The following MAGI1 variants were observed in gnomAD, a reference collection of about 807,000 sequenced individuals.
The protein encoded by MAGI1 is membrane associated guanylate kinase, WW and PDZ domain containing 1.
In MAGI1, 58 loss-of-function variants were observed where a neutral mutation model predicts 139.9. The observed-to-expected ratio is 0.41, with a 90% CI of 0.34 to 0.52. The LOEUF (loss-of-function observed/expected upper bound fraction) is 0.52, where lower values mean the gene tolerates loss of function less well. MAGI1 is among the 20% of genes least tolerant of loss of function. The pLI, the probability that MAGI1 is intolerant of heterozygous loss-of-function variation, is 0.12. For missense variants in MAGI1, 1,874 were observed against 1,901.6 expected, an observed-to-expected ratio of 0.99 and a Z score of 0.27; for synonymous variants, 812 against 737.9, an observed-to-expected ratio of 1.10 and a Z score of -1.63.
At chr3:65,759,677 T>C (rs186805382) in intron 1 of MAGI1, among the ~76,000 whole-genome samples, 6 of 152,308 alleles carry the variant, frequency 3.9e-5, no homozygotes, top group Admixed American at 1.3e-4. Flanking sequence ...TTTCCTTTTC[T>C]GTTATTAAAG....
At chr3:65,962,101 C>G (rs115816602) in intron 1 of MAGI1, among the ~76,000 whole-genome samples, 2 of 150,448 alleles carry the variant, frequency 1.3e-5, no homozygotes, top group African/African-American at 4.9e-5. Flanking sequence ...TGTTTGTTCT[C>G]ATGGACATTA....
At chr3:65,575,248 T>A (rs933957171) in intron 2 of MAGI1, among the ~76,000 whole-genome samples, 5 of 151,950 alleles carry the variant, frequency 3.3e-5, no homozygotes, top group Admixed American at 6.6e-5. Flanking sequence ...TTAAACACTT[T>A]AACAAAAAAG....
chr3:65,976,314 G>A (rs1173719698), intron 1 of MAGI1, among the ~76,000 whole-genome samples: 1 of 152,072 alleles, frequency 6.6e-6, no homozygotes, highest in African/African-American at 2.4e-5. Context: ...TAAGATGTAG[G>A]CCATACAAAA....
intron 13 of MAGI1, among the ~76,000 whole-genome samples, chr3:65,393,265 C>T (rs541209940): frequency 3.4e-4 from 52 of 152,214 alleles, no homozygotes; most frequent in Middle Eastern, 6.8e-3. Context: ...TTTTTCCCCC[C>T]CTCTTCAATG....
chr3:65,611,538 T>TATA (rs1270876168), intron 2 of MAGI1, among the ~76,000 whole-genome samples: 3 of 145,462 alleles, frequency 2.1e-5, no homozygotes, highest in Non-Finnish European at 4.5e-5. Context: ...GAATACTCTA[T>TATA]ATATACTATA....
At chr3:65,499,860 G>T (rs540557891) in intron 2 of MAGI1, among the ~76,000 whole-genome samples, 1 of 152,144 alleles carries the variant, frequency 6.6e-6, no homozygotes, top group Non-Finnish European at 1.5e-5. Context: ...CTTCAGAAAT[G>T]GGAAGAGATG....
chr3:66,027,918 G>A (rs750769549), intron 1 of MAGI1, among the ~76,000 whole-genome samples: 3 of 152,154 alleles, frequency 2.0e-5, no homozygotes, highest in African/African-American at 4.8e-5. Flanking sequence ...GGCTCCAGAC[G>A]TTGCCAAATG....
chr3:65,640,261 T>C (rs1412012383), intron 1 of MAGI1, among the ~76,000 whole-genome samples: 1 of 152,190 alleles, frequency 6.6e-6, no homozygotes, highest in Non-Finnish European at 1.5e-5. Context: ...TAGGGAACAC[T>C]GACTAATACA....
chr3:65,596,663 G>A (rs1276482603), intron 2 of MAGI1, among the ~76,000 whole-genome samples: 1 of 152,166 alleles, frequency 6.6e-6, no homozygotes, highest in Non-Finnish European at 1.5e-5. Flanking sequence ...CTGGTACCCA[G>A]GTCAGTTAGA....
chr3:65,840,844 A>G (rs2058779047), intron 1 of MAGI1, among the ~76,000 whole-genome samples: 1 of 152,188 alleles, frequency 6.6e-6, no homozygotes, highest in Non-Finnish European at 1.5e-5. Context: ...TATTTTCTGG[A>G]AGAAATTATA....
intron 2 of MAGI1, among the ~76,000 whole-genome samples, chr3:65,593,400 A>AT (rs1185778234): frequency 7.4e-5 from 11 of 147,704 alleles, no homozygotes; most frequent in Non-Finnish European, 1.2e-4. Flanking sequence ...ATTGTGAAGG[A>AT]TGGGGGGGAA....
chr3:65,815,681 A>G (rs972723579), intron 1 of MAGI1, among the ~76,000 whole-genome samples: 2 of 152,170 alleles, frequency 1.3e-5, no homozygotes, highest in Non-Finnish European at 2.9e-5. Flanking sequence ...TGTCATATAC[A>G]TTTGAAATAT....
intron 1 of MAGI1, among the ~76,000 whole-genome samples, chr3:65,744,732 G>A (rs1156766944): frequency 1.3e-5 from 2 of 151,888 alleles, no homozygotes; most frequent in African/African-American, 4.8e-5. Flanking sequence ...AGATGCGAAA[G>A]TATTAACAGT....
intron 12 of MAGI1, 62 bp downstream of exon 12, chr3:65,429,458 G>A: frequency 2.0e-6 from 3 of 1,492,682 alleles, no homozygotes; most frequent in South Asian, 1.3e-5. Context: ...CTGAAGATGA[G>A]TAAGTTAAGC....
intron 2 of MAGI1, among the ~76,000 whole-genome samples, chr3:65,530,647 GTGTGTGTGTGTGTGTATA>G (rs1559642111): frequency 1.5e-5 from 2 of 129,728 alleles, no homozygotes; most frequent in African/African-American, 7.5e-5. Context: ...GTGTGTGTGT[GTGTGTGTGTGTGTGTATA>G]TATATATACA....
chr3:65,774,790 T>C (rs1410990314), intron 1 of MAGI1, among the ~76,000 whole-genome samples: 1 of 152,194 alleles, frequency 6.6e-6, no homozygotes, highest in Non-Finnish European at 1.5e-5. Context: ...GTACTGGGCC[T>C]ATGTTCTGTG....
intron 1 of MAGI1, among the ~76,000 whole-genome samples, chr3:65,838,085 T>A (rs2108324435): frequency 6.6e-6 from 1 of 152,256 alleles, no homozygotes; most frequent in Admixed American, 6.5e-5. Flanking sequence ...TTTTATCACA[T>A]AAAGGTTTGT....
At chr3:65,671,140 G>A (rs1277312154) in intron 1 of MAGI1, among the ~76,000 whole-genome samples, 1 of 152,154 alleles carries the variant, frequency 6.6e-6, no homozygotes, top group Non-Finnish European at 1.5e-5. Flanking sequence ...CCATTTTACA[G>A]ATGAGACAAC....
chr3:65,756,869 A>T (rs2036604372), intron 1 of MAGI1, among the ~76,000 whole-genome samples: 1 of 152,212 alleles, frequency 6.6e-6, no homozygotes, highest in African/African-American at 2.4e-5. Flanking sequence ...ACACTTTATT[A>T]CCTATCCCTG....
Sources: gnomAD v4.1 joint callset for allele counts (sites outside exome capture counted in the v4.1 genomes callset) on GRCh38, gnomAD v4.1.1 for gene constraint, MANE v1.5 for transcripts, NCBI Gene and HGNC (gene_info 2026-07-23, HGNC 2026-07-21) for gene names.